The following GNG2 variants were observed in gnomAD, a reference collection of about 807,000 sequenced individuals.
GNG2 encodes G protein subunit gamma 2.
In GNG2, 5 loss-of-function variants were observed where a neutral mutation model predicts 5.5. That is an observed-to-expected ratio of 0.91 (90% CI 0.48 to 1.92). The LOEUF (loss-of-function observed/expected upper bound fraction) is 1.92. Ranked by LOEUF, GNG2 falls within the 30% of genes most tolerant of loss-of-function variation. The pLI is 0.01. For synonymous variants in GNG2, 28 were observed against 32.0 expected (o/e 0.88, Z 0.42); for missense variants, 55 against 88.4 (o/e 0.62, Z 1.52).
chr14:51,840,078 G>T (rs1167610471), intron 2 of GNG2, among the ~76,000 whole-genome samples: 3 of 152,136 alleles, frequency 2.0e-5, no homozygotes, highest in African/African-American at 7.2e-5. Flanking sequence ...GACTCCAGAA[G>T]GTATAAGAGT....
intron 2 of GNG2, among the ~76,000 whole-genome samples, chr14:51,834,729 A>G (rs763564757): frequency 1.3e-5 from 2 of 152,206 alleles, no homozygotes; most frequent in African/African-American, 2.4e-5. Context: ...GAATTTGGGA[A>G]CACATCTAGC....
intron 2 of GNG2, among the ~76,000 whole-genome samples, chr14:51,881,615 C>T (rs1884076320): frequency 6.6e-6 from 1 of 150,540 alleles, no homozygotes; most frequent in South Asian, 2.1e-4. Context: ...ATCATTAGGA[C>T]TAAGCAAAGA....
rs116100481 is a variant in GNG2, at chr14:51,847,641, A to G, written c.64+19834A>G. Among the ~76,000 whole-genome samples the G allele has an allele frequency of 1.2e-3, 183 of 152,302 alleles. 2 individuals are homozygous for G. The highest frequency in any genetic ancestry group is 4.0e-3 in the African/African-American group (168 of 41,570). ...GGATAATTAGAATCCTCAGTGGTGTAGAATCTTCCACCTACAGGCGGGTTG... is the reference window on the plus strand; with the variant it reads ...GGATAATTAGAATCCTCAGTGGTGTGGAATCTTCCACCTACAGGCGGGTTG... On this transcript the variant is annotated intron_variant, in intron 2 of 3. Coordinates refer to the GNG2 transcript ENST00000553432.
chr14:51,955,923 G>A (rs1364955584), intron 3 of GNG2, among the ~76,000 whole-genome samples: 2 of 152,160 alleles, frequency 1.3e-5, no homozygotes, highest in Non-Finnish European at 2.9e-5. Flanking sequence ...TATGATAATA[G>A]ATTGAAATTG....
chr14:51,826,893 A>T (rs1444546113), intron 1 of GNG2, among the ~76,000 whole-genome samples: 1 of 152,218 alleles, frequency 6.6e-6, no homozygotes, highest in Non-Finnish European at 1.5e-5. Context: ...GCACAGAATG[A>T]GATGGCTATG....
intron 2 of GNG2, among the ~76,000 whole-genome samples, chr14:51,832,703 A>T (rs1001255250): frequency 2.0e-5 from 3 of 152,348 alleles, no homozygotes; most frequent in Admixed American, 2.0e-4. Flanking sequence ...AGGCAGGGAA[A>T]CCAAGCTCTC....
intron 2 of GNG2, among the ~76,000 whole-genome samples, chr14:51,909,985 C>A (rs920778613): frequency 6.6e-6 from 1 of 152,134 alleles, no homozygotes; most frequent in Non-Finnish European, 1.5e-5. Context: ...GGAATTGATC[C>A]ATTCATTCAT....
chr14:51,942,595 T>TCTTTCTTTCTTTC (rs1413000965), intron 2 of GNG2, among the ~76,000 whole-genome samples: 55 of 125,342 alleles, frequency 4.4e-4, no homozygotes, highest in East Asian at 6.4e-4. Context: ...CTTTCTTTTT[T>TCTTTCTTTCTTTC]TTTTTTTTTT....
rs143877760 is a variant in GNG2, at chr14:51,926,353, C to G, written c.-29-24297C>G. Among the ~76,000 whole-genome samples the G allele has an allele frequency of 2.9e-3, 435 of 152,274 alleles. 1 individual carries two copies. The highest frequency in any genetic ancestry group is 4.7e-3 in the Non-Finnish European group (320 of 68,022). ...CTTTCACAAATATTCCATCTCTTCC[C>G]TTCTAAACAAGTCATAGAAACTATG... is the stretch of plus-strand genomic sequence containing the variant. On this transcript the variant is annotated intron_variant, in intron 2 of 3. Transcript: ENST00000556766.
intron 2 of GNG2, among the ~76,000 whole-genome samples, chr14:51,942,923 C>T (rs1008741652): frequency 1.3e-5 from 2 of 152,094 alleles, no homozygotes; most frequent in African/African-American, 4.8e-5. Context: ...CAAAGAATGT[C>T]ACTCTAGCAC....
intron 2 of GNG2, among the ~76,000 whole-genome samples, chr14:51,931,183 G>A (rs1008292446): frequency 1.3e-5 from 2 of 152,184 alleles, no homozygotes; most frequent in African/African-American, 4.8e-5. Flanking sequence ...GCAGTAGAAC[G>A]AGGATAAGGG....
chr14:51,945,234 G>A (rs1287812717), intron 2 of GNG2, among the ~76,000 whole-genome samples: 2 of 152,070 alleles, frequency 1.3e-5, no homozygotes, highest in African/African-American at 4.8e-5. Flanking sequence ...AAGATGTTTG[G>A]ACTACCTTAT....
At chr14:51,876,549 C>T (rs1883679250) in intron 1 of GNG2, among the ~76,000 whole-genome samples, 1 of 152,104 alleles carries the variant, frequency 6.6e-6, no homozygotes, top group South Asian at 2.1e-4. Flanking sequence ...TTTGCCTGTC[C>T]CACCTAGTCT....
chr14:51,885,041 CAGAG>C (rs1314964772), intron 2 of GNG2, among the ~76,000 whole-genome samples: 3 of 152,092 alleles, frequency 2.0e-5, no homozygotes, highest in South Asian at 2.1e-4. Context: ...CGGAGAGAGT[CAGAG>C]AGAGAAGGGA....
chr14:51,934,483 C>G (rs770565802), intron 2 of GNG2, among the ~76,000 whole-genome samples: 1 of 152,178 alleles, frequency 6.6e-6, no homozygotes, highest in Non-Finnish European at 1.5e-5. Flanking sequence ...TACAATCGGC[C>G]TCTTGAACTG....
chr14:51,897,720 G>A (rs1319589059), intron 2 of GNG2, among the ~76,000 whole-genome samples: 1 of 152,106 alleles, frequency 6.6e-6, no homozygotes, highest in Non-Finnish European at 1.5e-5. Flanking sequence ...AGGAACTTAT[G>A]TGATGGGAGG....
At chr14:51,849,967 G>A (rs2140085893) in intron 2 of GNG2, among the ~76,000 whole-genome samples, 1 of 151,996 alleles carries the variant, frequency 6.6e-6, no homozygotes, top group Middle Eastern at 3.4e-3. Flanking sequence ...GTACCACCAT[G>A]CCTGCCTAAT....
chr14:51,960,479 C>T (rs114372489), intron 3 of GNG2, among the ~76,000 whole-genome samples: 1 of 146,574 alleles, frequency 6.8e-6, no homozygotes, highest in Non-Finnish European at 1.5e-5. Flanking sequence ...TTTTTCATCT[C>T]ATTGTATTTT....
chr14:51,846,962 C>G lies in GNG2; in HGVS notation c.64+19155C>G, dbSNP rs35883980. Among the ~76,000 whole-genome samples the G allele has an allele frequency of 4.0e-3, 604 of 152,214 alleles. 4 individuals are homozygous for G. The highest frequency in any genetic ancestry group is 0.02 in the Middle Eastern group (6 of 294). ...CTTTGTGTGGTGCAGCGGCTGGGAT[C>G]CCACTGCATCTACATGGCAACCAGG... On this transcript the variant is annotated intron_variant, in intron 2 of 3. Transcript: ENST00000553432.
Sources: gnomAD v4.1 joint callset for allele counts (sites outside exome capture counted in the v4.1 genomes callset) on GRCh38, gnomAD v4.1.1 for gene constraint, MANE v1.5 for transcripts, NCBI Gene and HGNC (gene_info 2026-07-23, HGNC 2026-07-21) for gene names.